Variants in PRR16 observed in about 807,000 individuals in gnomAD.
The protein encoded by PRR16 is proline rich 16.
In PRR16, 6 loss-of-function variants were observed where a neutral mutation model predicts 18.2. The observed-to-expected ratio is 0.33, with a 90% CI of 0.18 to 0.65. PRR16 has a LOEUF of 0.65. Ranked by LOEUF, PRR16 falls within the 30% of genes least tolerant of loss-of-function variation. The pLI is 0.74. For missense variants in PRR16, 412 were observed against 376.6 expected, an observed-to-expected ratio of 1.09 and a Z score of -0.78; for synonymous variants, 151 against 147.8, an observed-to-expected ratio of 1.02 and a Z score of -0.16.
At chr5:120,522,158 A>G (rs1156486932) in intron 1 of PRR16, among the ~76,000 whole-genome samples, 1 of 152,244 alleles carries the variant, frequency 6.6e-6, no homozygotes, top group Non-Finnish European at 1.5e-5. Context: ...TTATAGCAGC[A>G]TGATTTATAA....
At chr5:120,569,162 T>C (rs906891240) in intron 1 of PRR16, among the ~76,000 whole-genome samples, 1 of 152,174 alleles carries the variant, frequency 6.6e-6, no homozygotes, top group Non-Finnish European at 1.5e-5. Flanking sequence ...TGCCAAGTTT[T>C]TCTGCTGTAT....
intron 1 of PRR16, among the ~76,000 whole-genome samples, chr5:120,492,148 A>AATG (rs10673359): frequency 1 from 149,300 of 149,302 alleles, 74,649 homozygotes; most frequent in Middle Eastern, 1. Context: ...AGTGCAGTAG[A>AATG]ATAAGGATCC....
Position 120,522,109 on chromosome 5 carries a change from G to A in PRR16, c.159+57464G>A, listed in dbSNP as rs560247244. Among the ~76,000 whole-genome samples, 562 of 152,262 alleles carry A rather than the reference G, an allele frequency of 3.7e-3. 5 individuals carry two copies. Among genetic ancestry groups the A allele is most frequent in the African/African-American group, 0.012 (519 of 41,548 alleles). ...GGGTTGGTTCCAAGTCTTTGCTATT[G>A]TGAATAGTGCTGCAATAAACATACG... is the stretch of plus-strand genomic sequence containing the variant. On this transcript the variant is annotated intron_variant, in intron 1 of 1. Coordinates refer to ENST00000407149, the MANE Select transcript of PRR16 (RefSeq NM_001300783.2).
At chr5:120,605,017 T>C (rs1754110999) in intron 1 of PRR16, among the ~76,000 whole-genome samples, 2 of 152,170 alleles carry the variant, frequency 1.3e-5, no homozygotes, top group African/African-American at 2.4e-5. Context: ...ACTATATGCA[T>C]TGGAATGGTT....
At chr5:120,520,327 G>A (rs886990045) in intron 1 of PRR16, among the ~76,000 whole-genome samples, 45 of 152,044 alleles carry the variant, frequency 3.0e-4, no homozygotes, top group Non-Finnish European at 5.3e-4. Context: ...CCTAGGAGGT[G>A]GAGGTTGCAG....
At chr5:120,562,226 T>C (rs1224750998) in intron 1 of PRR16, among the ~76,000 whole-genome samples, 1 of 152,176 alleles carries the variant, frequency 6.6e-6, no homozygotes, top group Non-Finnish European at 1.5e-5. Flanking sequence ...TTTATCATTA[T>C]ATAATGGCCT....
chr5:120,497,684 C>T (rs1215295422), intron 1 of PRR16, among the ~76,000 whole-genome samples: 5 of 151,896 alleles, frequency 3.3e-5, no homozygotes, highest in East Asian at 1.9e-4. Flanking sequence ...CCACAGCTCC[C>T]GGCTGAATTG....
intron 1 of PRR16, among the ~76,000 whole-genome samples, chr5:120,524,908 G>C (rs1221056750): frequency 6.6e-6 from 1 of 152,030 alleles, no homozygotes; most frequent in Non-Finnish European, 1.5e-5. Context: ...ATTTTTTACT[G>C]TATTGCTCAG....
At chr5:120,691,459 G>GT (rs552243396), downstream of PRR16, among the ~76,000 whole-genome samples, 731 of 151,966 alleles carry the variant, frequency 4.8e-3, 2 homozygotes, top group South Asian at 0.019. Context: ...TCACCTTTTA[G>GT]TTTTTTTTCT....
At chr5:120,754,299 T>G in the PRR16 span, among the ~76,000 whole-genome samples, 5 of 97,148 alleles carry the variant, frequency 5.1e-5, no homozygotes, top group African/African-American at 2.2e-4. Context: ...TAATATATAA[T>G]ATATAATATA....
the PRR16 span, among the ~76,000 whole-genome samples, chr5:120,739,058 A>G: frequency 6.6e-6 from 1 of 152,170 alleles, no homozygotes; most frequent in African/African-American, 2.4e-5. Context: ...TTCAGGGAAC[A>G]TAAATGTAAA....
At chr5:120,562,230 A>G (rs1282511623) in intron 1 of PRR16, among the ~76,000 whole-genome samples, 1 of 152,076 alleles carries the variant, frequency 6.6e-6, no homozygotes, top group Non-Finnish European at 1.5e-5. Context: ...TCATTATATA[A>G]TGGCCTCCTT....
At chr5:120,715,761 A>G in the PRR16 span, among the ~76,000 whole-genome samples, 2 of 152,194 alleles carry the variant, frequency 1.3e-5, no homozygotes, top group Non-Finnish European at 2.9e-5. Flanking sequence ...GAGATACACT[A>G]TATTTGGAAT....
At chr5:120,516,532 T>G (rs1019836381) in intron 1 of PRR16, among the ~76,000 whole-genome samples, 1 of 149,024 alleles carries the variant, frequency 6.7e-6, no homozygotes, top group African/African-American at 2.5e-5. Context: ...CATTAACAAT[T>G]AGAAGGCATT....
chr5:120,666,665 T>A (rs1280611030), intron 1 of PRR16, among the ~76,000 whole-genome samples: 5 of 151,542 alleles, frequency 3.3e-5, no homozygotes, highest in Admixed American at 3.3e-4. Flanking sequence ...GTTTTTAGCA[T>A]GAAGGGTTGT....
the PRR16 span, among the ~76,000 whole-genome samples, chr5:120,721,426 G>C: frequency 6.6e-6 from 1 of 151,978 alleles, no homozygotes; most frequent in Non-Finnish European, 1.5e-5. Context: ...TCAAATAGCG[G>C]TATCATGTTT....
At chr5:120,537,488 A>G (rs796983696) in intron 1 of PRR16, among the ~76,000 whole-genome samples, 9 of 152,206 alleles carry the variant, frequency 5.9e-5, no homozygotes, top group African/African-American at 2.2e-4. Flanking sequence ...TATTGCACAA[A>G]TGTTACCCAT....
chr5:120,504,014 C>G (rs1472184479), intron 1 of PRR16, among the ~76,000 whole-genome samples: 1 of 151,322 alleles, frequency 6.6e-6, no homozygotes, highest in Non-Finnish European at 1.5e-5. Context: ...GTATATGTGC[C>G]ACATTTTCTT....
chr5:120,661,522 T>C (rs1474363623), intron 1 of PRR16, among the ~76,000 whole-genome samples: 1 of 152,146 alleles, frequency 6.6e-6, no homozygotes, highest in Non-Finnish European at 1.5e-5. Context: ...TTTTCTGTTC[T>C]GTAATAATGG....
Sources: gnomAD v4.1 joint callset for allele counts (sites outside exome capture counted in the v4.1 genomes callset) on GRCh38, gnomAD v4.1.1 for gene constraint, MANE v1.5 for transcripts, NCBI Gene and HGNC (gene_info 2026-07-23, HGNC 2026-07-21) for gene names.